The following SOX21 variants were observed in gnomAD, a reference collection of about 807,000 sequenced individuals.
SOX21 encodes the protein SRY-box transcription factor 21.
For missense variants in SOX21, 370 were observed against 388.8 expected (o/e 0.95, Z 0.41); for synonymous variants, 237 against 189.7 (o/e 1.25, Z -2.05).
chr13:94,711,432 G>T lies in SOX21; in HGVS notation c.618C>A (p.His206Gln). The T allele has an allele frequency of 9.5e-7, 1 of 1,050,374 alleles. No homozygotes were observed. The highest frequency in any genetic ancestry group is 1.2e-6 in the Non-Finnish European group (1 of 866,844). The allele number at this position is 1,050,374 out of a possible 1,614,324, so 65.1% of individuals were successfully genotyped here. A position where few individuals can be genotyped will look rare whatever the true frequency, so the allele number is the denominator to read the frequency against. The change falls in exon 1 of 1, where the codon CAC becomes CAA. Residue 206 changes from histidine to glutamine, a missense_variant. Transcript: ENST00000376945. ...CCGCTGCAGCCGCCGCCGCCGCGCCGTGGAAGGCGCCCGCGCCCGCGGTCG... is the reference window on the plus strand; with the variant it reads ...CCGCTGCAGCCGCCGCCGCCGCGCCTTGGAAGGCGCCCGCGCCCGCGGTCG... ...GYPTAGAGAF[H>Q]GAAAAAAAAA...
Position 94,711,063 on chromosome 13 carries a change from C to T in SOX21, c.*156G>A. 2 of 755,058 alleles carry T rather than the reference C, an allele frequency of 2.6e-6. No homozygotes were observed. Among genetic ancestry groups the T allele is most frequent in the South Asian group, 6.9e-5 (1 of 14,564 alleles). The allele number at this position is 755,058 out of a possible 1,614,324, so 46.8% of individuals were successfully genotyped here. A position where few individuals can be genotyped will look rare whatever the true frequency, so the allele number is the denominator to read the frequency against. ...CTTGCGCGCTTGGCCACTCCTGCCC[C>T]GCCTGGCCTCTCTGCCTCTACCTGG... On this transcript the variant is annotated 3_prime_UTR_variant, in exon 1 of 1. Transcript: ENST00000376945.
rs927839940 is a variant in SOX21 at position 94,711,573 on chromosome 13, AGCG to A, written c.474_476del (p.Ala166del). On this transcript the variant is annotated inframe_deletion, in exon 1 of 1. Coordinates refer to ENST00000376945, the MANE Select transcript of SOX21 (RefSeq NM_007084.4). ...TGCCCGCGGCGGCGGCGGCGGCGGC[AGCG>A]GCGGCGGCAGCGGCCGACTGCGGGA... The A allele has an allele frequency of 5.0e-6, 3 of 597,552 alleles. No individual in the cohort carries two copies. Among genetic ancestry groups the A allele is most frequent in the Non-Finnish European group, 4.2e-6 (2 of 471,634 alleles). The allele number at this position is 597,552 out of a possible 1,614,324, so 37.0% of individuals were successfully genotyped here.
In SOX21 at chr13:94,712,063, C is replaced by T; in HGVS notation, c.-14G>A. The T allele has an allele frequency of 1.2e-6, 2 of 1,609,318 alleles. No individual in the cohort carries two copies. Among genetic ancestry groups the T allele is most frequent in the Non-Finnish European group, 1.7e-6 (2 of 1,177,742 alleles). On this transcript the variant is annotated 5_prime_UTR_variant, in exon 1 of 1. Transcript: ENST00000376945. This position sits in a 1 kb window ranked among gnomAD's most constrained non-coding sequence, Gnocchi z 5.0. ...CGGCTTGGACATGCTCTCGCCCTGCCGCGGCTGCAGCCCGCCGCCTCCCGG... is the reference window on the plus strand; with the variant it reads ...CGGCTTGGACATGCTCTCGCCCTGCTGCGGCTGCAGCCCGCCGCCTCCCGG...
Position 94,712,042 on chromosome 13 carries a change from T to C in SOX21, c.8A>G (p.Lys3Arg). 1 of 1,613,220 alleles carries C rather than the reference T, an allele frequency of 6.2e-7. No individual in the cohort carries two copies. Among genetic ancestry groups the C allele is most frequent in the Non-Finnish European group, 8.5e-7 (1 of 1,179,656 alleles). Reference protein sequence around the residue: MSKPVDHVKRPMN... With the variant: MSRPVDHVKRPMN... ...GGGCCGCTTGACGTGGTCCACCGGCTTGGACATGCTCTCGCCCTGCCGCGG... is the reference window on the plus strand; with the variant it reads ...GGGCCGCTTGACGTGGTCCACCGGCCTGGACATGCTCTCGCCCTGCCGCGG... The change falls in exon 1 of 1, where the codon AAG becomes AGG. Residue 3 changes from lysine (K) to arginine (R), a missense_variant. Lys to Arg is a conservative substitution (Grantham distance 26, BLOSUM62 2). Coordinates refer to ENST00000376945, the MANE Select transcript of SOX21 (RefSeq NM_007084.4). This position sits in a 1 kb window ranked among gnomAD's most constrained non-coding sequence, Gnocchi z 5.0.
In SOX21 at chr13:94,711,823, T is replaced by C; in HGVS notation, c.227A>G (p.Lys76Arg). 6.2e-7 allele frequency: 1 copy of C among 1,613,870 alleles called. No individual in the cohort carries two copies. The highest frequency in any genetic ancestry group is 8.5e-7 in the Non-Finnish European group (1 of 1,179,880). ...CTTGGGCTTGCGCCGCGGCCGGTACTTGTAGTCGGGGTGCTCCTTCATGTG... is the reference window on the plus strand; with the variant it reads ...CTTGGGCTTGCGCCGCGGCCGGTACCTGTAGTCGGGGTGCTCCTTCATGTG... ...AMHMKEHPDY[K>R]YRPRRKPKTL... is the part of the protein sequence containing the mutation. The change falls in exon 1 of 1, where the codon AAG becomes AGG. Residue 76 changes from lysine (K) to arginine (R), a missense_variant. By Grantham distance (26) the Lys-to-Arg change is conservative. Coordinates refer to ENST00000376945, the MANE Select transcript of SOX21 (RefSeq NM_007084.4).
In SOX21 at chr13:94,712,039, G is replaced by A. The variant is rs2138618704; in HGVS notation, c.11C>T (p.Pro4Leu). The A allele has an allele frequency of 1.9e-6, 3 of 1,613,390 alleles. No individual in the cohort carries two copies. The highest frequency in any genetic ancestry group is 2.5e-6 in the Non-Finnish European group (3 of 1,179,708). Residue 4 changes from proline (P) to leucine (L), a missense_variant, in exon 1 of 1, where the codon CCG becomes CTG. Pro to Leu is a moderately conservative substitution (Grantham distance 98). Transcript: ENST00000376945. The surrounding 1 kb of genome is among the most constrained non-coding windows in gnomAD (Gnocchi z 5.0). The part of the protein sequence containing the change: MSK[P>L]VDHVKRPMNA... ...CATGGGCCGCTTGACGTGGTCCACC[G>A]GCTTGGACATGCTCTCGCCCTGCCG... is the stretch of plus-strand genomic sequence containing the variant.
rs1376659202 is a variant in SOX21 at position 94,710,816 on chromosome 13, A to G, written c.*403T>C. ...GGGGGCTGAGGGGCGAGGAAGAAGAATGAGAAACAAAAACAAAACCGACCA... is the reference window on the plus strand; with the variant it reads ...GGGGGCTGAGGGGCGAGGAAGAAGAGTGAGAAACAAAAACAAAACCGACCA... On this transcript the variant is annotated 3_prime_UTR_variant, in exon 1 of 1. Transcript: ENST00000376945. 1 of 156,722 alleles carries G rather than the reference A, an allele frequency of 6.4e-6. No homozygotes were observed. The highest frequency in any genetic ancestry group is 1.8e-4 in the East Asian group (1 of 5,478). 9.7% of individuals were successfully genotyped at this position (156,722 alleles called of 1,614,324 possible). A position where few individuals can be genotyped will look rare whatever the true frequency, so the allele number is the denominator to read the frequency against.
Position 94,711,365 on chromosome 13 carries a change from G to T in SOX21, c.685C>A (p.Pro229Thr), listed in dbSNP as rs1311630153. ...AGGHTHSHPS[P>T]GNPGYMIPCN... Reference sequence around the variant, plus strand: ...GGGATCATGTAGCCCGGGTTGCCCGGGCTGGGGTGCGAGTGCGTGTGCCCC... The same window carrying T: ...GGGATCATGTAGCCCGGGTTGCCCGTGCTGGGGTGCGAGTGCGTGTGCCCC... Residue 229 changes from proline (P) to threonine (T), a missense_variant, in exon 1 of 1, where the codon CCG becomes ACG. By Grantham distance (38) the Pro-to-Thr change is conservative. Transcript: ENST00000376945. 3.2e-6 allele frequency: 4 copies of T among 1,257,192 alleles called. No homozygotes were observed. Among genetic ancestry groups the T allele is most frequent in the Non-Finnish European group, 4.0e-6 (4 of 1,002,744 alleles). 77.9% of individuals were successfully genotyped at this position (1,257,192 alleles called of 1,614,324 possible).
In SOX21 at chr13:94,711,370, G is replaced by A; in HGVS notation, c.680C>T (p.Pro227Leu). The change falls in exon 1 of 1, where the codon CCC (proline) becomes CTC (leucine). Residue 227 changes from proline (P) to leucine (L), a missense_variant. Coordinates refer to ENST00000376945, the MANE Select transcript of SOX21 (RefSeq NM_007084.4). ...CATGTAGCCCGGGTTGCCCGGGCTG[G>A]GGTGCGAGTGCGTGTGCCCCCCGGC... ...AAAGGHTHSH[P>L]SPGNPGYMIP... 8.0e-7 allele frequency: 1 copy of A among 1,253,634 alleles called. No individual in the cohort carries two copies. Among genetic ancestry groups the A allele is most frequent in the Non-Finnish European group, 1.0e-6 (1 of 1,000,658 alleles). 77.7% of individuals were successfully genotyped at this position (1,253,634 alleles called of 1,614,324 possible).
In SOX21 at chr13:94,710,542, G is replaced by C. The variant is rs1272160637; in HGVS notation, c.*677C>G. On this transcript the variant is annotated 3_prime_UTR_variant, in exon 1 of 1. Coordinates refer to ENST00000376945, the MANE Select transcript of SOX21 (RefSeq NM_007084.4). Reference sequence around the variant, plus strand: ...AATGGCGTGATAAACAAAAGAAACCGTGATCATCTCACACAAAAGGCCAGA... The same window carrying C: ...AATGGCGTGATAAACAAAAGAAACCCTGATCATCTCACACAAAAGGCCAGA... 6.6e-6 allele frequency: 1 copy of C among 152,182 alleles called. No homozygotes were observed. The highest frequency in any genetic ancestry group is 2.4e-5 in the African/African-American group (1 of 41,448). The allele number at this position is 152,182 out of a possible 1,614,324, so 9.4% of individuals were successfully genotyped here.
rs1229096658 is a variant in SOX21 at position 94,711,564 on chromosome 13, G to A, written c.486C>T (p.Ala162=). 1.0e-6 allele frequency: 1 copy of A among 961,926 alleles called. No homozygotes were observed. 59.6% of individuals were successfully genotyped at this position (961,926 alleles called of 1,614,324 possible). A position where few individuals can be genotyped will look rare whatever the true frequency, so the allele number is the denominator to read the frequency against. Residue 162 remains alanine, a synonymous_variant, in exon 1 of 1, where the codon GCC becomes GCT. Transcript: ENST00000376945. ...QSAAAAAAAA[A]AAAAGSPYSL... is the part of the protein sequence containing the mutation. The stretch of plus-strand genomic sequence containing the variant: ...AGTAGGGGCTGCCCGCGGCGGCGGC[G>A]GCGGCGGCAGCGGCGGCGGCAGCGG...
chr13:94,711,669 A>C lies in SOX21; in HGVS notation c.381T>G (p.Pro127=). The C allele has an allele frequency of 6.8e-7, 1 of 1,465,212 alleles. No individual in the cohort carries two copies. Among genetic ancestry groups the C allele is most frequent in the Non-Finnish European group, 9.0e-7 (1 of 1,114,598 alleles). 90.8% of individuals were successfully genotyped at this position (1,465,212 alleles called of 1,614,324 possible). A position where few individuals can be genotyped will look rare whatever the true frequency, so the allele number is the denominator to read the frequency against. ...TCTCGGGATTGGCGAGCAGCGACTCAGGCACCAGGCCGCCGCCCGCCCCCG... is the reference window on the plus strand; with the variant it reads ...TCTCGGGATTGGCGAGCAGCGACTCCGGCACCAGGCCGCCGCCCGCCCCCG... ...LHAGAGGGLV[P]ESLLANPEKA... is the part of the protein sequence containing the mutation. Residue 127 remains proline (P), a synonymous_variant, in exon 1 of 1, where the codon CCT becomes CCG. Transcript: ENST00000376945.
Position 94,711,182 on chromosome 13 carries a change from G to A in SOX21, c.*37C>T. On this transcript the variant is annotated 3_prime_UTR_variant, in exon 1 of 1. Coordinates refer to ENST00000376945, the MANE Select transcript of SOX21 (RefSeq NM_007084.4). ...CGCTCGTACCTATACATATGTACAC[G>A]TGTGCACACCGGTCCTCGCGAGGCG... The A allele has an allele frequency of 7.7e-7, 1 of 1,291,480 alleles. No individual in the cohort carries two copies. 80.0% of individuals were successfully genotyped at this position (1,291,480 alleles called of 1,614,324 possible).
Position 94,711,393 on chromosome 13 carries a change from G to T in SOX21, c.657C>A (p.Ala219=). 1 of 1,215,592 alleles carries T rather than the reference G, an allele frequency of 8.2e-7. No homozygotes were observed. The highest frequency in any genetic ancestry group is 1.0e-6 in the Non-Finnish European group (1 of 976,920). The allele number at this position is 1,215,592 out of a possible 1,614,324, so 75.3% of individuals were successfully genotyped here. Residue 219 remains alanine, a synonymous_variant, in exon 1 of 1, where the codon GCC becomes GCA. Transcript: ENST00000376945. ...TGGGGTGCGAGTGCGTGTGCCCCCC[G>T]GCGGCGGCGGCCGCCGCTGCAGCCG... ...AAAAAAAAAA[A]GGHTHSHPSP...
At position 94,710,136 on chromosome 13, in the gene SOX21, C is replaced by A. The variant is rs551394296; in HGVS notation, c.*1083G>T. Reference sequence around the variant, plus strand: ...ACCAGACAAAAAAGTCTGATTTAATCTTCGATAAAATTGCGATTCTGAAAT... The same window carrying A: ...ACCAGACAAAAAAGTCTGATTTAATATTCGATAAAATTGCGATTCTGAAAT... On this transcript the variant is annotated 3_prime_UTR_variant, in exon 1 of 1. Transcript: ENST00000376945. 6.6e-6 allele frequency: 1 copy of A among 152,182 alleles called. No individual in the cohort carries two copies. Among genetic ancestry groups the A allele is most frequent in the Non-Finnish European group, 1.5e-5 (1 of 68,012 alleles). The allele number at this position is 152,182 out of a possible 1,614,324, so 9.4% of individuals were successfully genotyped here.
rs2138618849 is a variant in SOX21 at position 94,712,147 on chromosome 13, C to T, written c.-98G>A. On this transcript the variant is annotated 5_prime_UTR_variant, in exon 1 of 1. Transcript: ENST00000376945. This position sits in a 1 kb window ranked among gnomAD's most constrained non-coding sequence, Gnocchi z 5.0. ...GGCTGCCCGCGGAGACCCGCTCGGCCGGCCGGGGCTCGTCGCGCCCCGGCG... is the reference window on the plus strand; with the variant it reads ...GGCTGCCCGCGGAGACCCGCTCGGCTGGCCGGGGCTCGTCGCGCCCCGGCG... 2 of 1,438,252 alleles carry T rather than the reference C, an allele frequency of 1.4e-6. No individual in the cohort carries two copies. Among genetic ancestry groups the T allele is most frequent in the Non-Finnish European group, 9.1e-7 (1 of 1,102,328 alleles). The allele number at this position is 1,438,252 out of a possible 1,614,324, so 89.1% of individuals were successfully genotyped here. A position where few individuals can be genotyped will look rare whatever the true frequency, so the allele number is the denominator to read the frequency against.
rs1875182078 is a variant in SOX21, at chr13:94,709,736, A to G, written c.*1483T>C. ...CCTTAGACGTCTAATATTAAATTAGAAGGTCACACTAGAAAATCATTTACA... is the reference window on the plus strand; with the variant it reads ...CCTTAGACGTCTAATATTAAATTAGGAGGTCACACTAGAAAATCATTTACA... On this transcript the variant is annotated 3_prime_UTR_variant, in exon 1 of 1. Coordinates refer to ENST00000376945, the MANE Select transcript of SOX21 (RefSeq NM_007084.4). The G allele has an allele frequency of 6.6e-6, 1 of 152,654 alleles. No individual in the cohort carries two copies. Among genetic ancestry groups the G allele is most frequent in the South Asian group, 2.1e-4 (1 of 4,826 alleles). The allele number at this position is 152,654 out of a possible 1,614,324, so 9.5% of individuals were successfully genotyped here.
Position 94,711,284 on chromosome 13 carries a change from G to A in SOX21, c.766C>T (p.Leu256=). 1 of 1,379,780 alleles carries A rather than the reference G, an allele frequency of 7.2e-7. No homozygotes were observed. The highest frequency in any genetic ancestry group is 1.8e-5 in the South Asian group (1 of 55,962). 85.5% of individuals were successfully genotyped at this position (1,379,780 alleles called of 1,614,324 possible). A position where few individuals can be genotyped will look rare whatever the true frequency, so the allele number is the denominator to read the frequency against. ...TGGGGCTTGCCCATGCCCGGCAGCAGGATGTAGGCGAGCGGCGGCTGCAGC... is the reference window on the plus strand; with the variant it reads ...TGGGGCTTGCCCATGCCCGGCAGCAAGATGTAGGCGAGCGGCGGCTGCAGC... ...PGLQPPLAYI[L]LPGMGKPQLD... The change falls in exon 1 of 1, where the codon CTG becomes TTG. Residue 256 remains leucine, a synonymous_variant. Transcript: ENST00000376945.
chr13:94,711,493 G>A lies in SOX21; in HGVS notation c.557C>T (p.Ser186Leu), dbSNP rs770331980. Reference sequence around the variant, plus strand: ...CGACGACGCGTACGGGAGGCCGGACGAGGACGACGAGATCTCTGCCATTTT... The same window carrying A: ...CGACGACGCGTACGGGAGGCCGGACAAGGACGACGAGATCTCTGCCATTTT... ...GSKMAEISSS[S>L]SGLPYASSLG... The change falls in exon 1 of 1, where the codon TCG (serine) becomes TTG (leucine). Residue 186 changes from serine to leucine, a missense_variant. Ser to Leu is a moderately radical substitution (Grantham distance 145). Transcript: ENST00000376945. The A allele has an allele frequency of 1.1e-4, 111 of 1,031,412 alleles. No individual in the cohort carries two copies. The highest frequency in any genetic ancestry group is 1.3e-4 in the Non-Finnish European group (109 of 851,818). 63.9% of individuals were successfully genotyped at this position (1,031,412 alleles called of 1,614,324 possible). A position where few individuals can be genotyped will look rare whatever the true frequency, so the allele number is the denominator to read the frequency against.
Sources: allele counts gnomAD v4.1 joint callset, GRCh38; gene constraint gnomAD v4.1.1; non-coding constraint Gnocchi (gnomAD v3.1); transcripts MANE v1.5; gene names NCBI Gene and HGNC (gene_info 2026-07-23, HGNC 2026-07-21).